TCERG1L: variants seen among roughly 807,000 people sequenced by gnomAD.
TCERG1L encodes transcription elongation regulator 1 like, also known as transcription elongation regulator 1-like protein.
A neutral mutation model predicts 56.3 loss-of-function variants in TCERG1L; 37 were observed. The observed-to-expected ratio is 0.66, with a 90% CI of 0.51 to 0.87. The LOEUF (loss-of-function observed/expected upper bound fraction) is 0.87. TCERG1L is among the 40% of genes least tolerant of loss of function. TCERG1L has a pLI of 0.00. For missense variants in TCERG1L, 799 were observed against 774.2 expected (o/e 1.03, Z -0.38); for synonymous variants, 324 against 326.3 (o/e 0.99, Z 0.08).
At chr10:131,189,458 C>T (rs1845282205) in intron 4 of TCERG1L, among the ~76,000 whole-genome samples, 2 of 152,182 alleles carry the variant, frequency 1.3e-5, no homozygotes, top group African/African-American at 4.8e-5. Context: ...GCTCATTTTA[C>T]TTAACTTGAT....
chr10:131,259,582 A>C (rs1846211613), intron 4 of TCERG1L, among the ~76,000 whole-genome samples: 1 of 152,244 alleles, frequency 6.6e-6, no homozygotes, highest in Admixed American at 6.5e-5. Context: ...AGAGCTGCAG[A>C]TGGGACCCAG....
At chr10:131,122,230 G>A (rs1845521607) in intron 8 of TCERG1L, among the ~76,000 whole-genome samples, 2 of 152,136 alleles carry the variant, frequency 1.3e-5, no homozygotes, top group African/African-American at 2.4e-5. Context: ...AATGACCTTT[G>A]GTATTCATAA....
intron 6 of TCERG1L, among the ~76,000 whole-genome samples, chr10:131,149,010 T>C (rs1845834444): frequency 6.6e-6 from 1 of 152,014 alleles, no homozygotes. Context: ...TGGGAGAATA[T>C]GACCTGCCCT....
Position 131,272,260 on chromosome 10 carries a change from G to A in TCERG1L, c.671-11816C>T, listed in dbSNP as rs549453491. The stretch of plus-strand genomic sequence containing the variant: ...ACTATGCTCCTTGTGGAAGACCAGC[G>A]CCAGGTGTTTGCATATCTGACTGAG... On this transcript the variant is annotated intron_variant, in intron 3 of 11. Coordinates refer to ENST00000368642, the MANE Select transcript of TCERG1L (RefSeq NM_174937.4). Among the ~76,000 whole-genome samples the A allele has an allele frequency of 1.8e-3, 278 of 152,322 alleles. 1 individual carries two copies. The highest frequency in any genetic ancestry group is 6.3e-3 in the African/African-American group (260 of 41,584).
intron 3 of TCERG1L, among the ~76,000 whole-genome samples, chr10:131,298,075 A>G (rs1316762058): frequency 2.7e-5 from 4 of 149,028 alleles, no homozygotes; most frequent in African/African-American, 9.8e-5. Context: ...TCTTTACTAT[A>G]TCCTTAGATT....
intron 10 of TCERG1L, among the ~76,000 whole-genome samples, chr10:131,098,920 A>C (rs1338722285): frequency 3.3e-5 from 5 of 152,214 alleles, no homozygotes; most frequent in East Asian, 3.9e-4. Flanking sequence ...CGAGTCTCCC[A>C]AAAATGACCT....
chr10:131,149,045 CAGCCCTGCCCTTG>C (rs1390239816), intron 6 of TCERG1L, among the ~76,000 whole-genome samples: 1 of 152,248 alleles, frequency 6.6e-6, no homozygotes, highest in African/African-American at 2.4e-5. Flanking sequence ...TTTCCAGCTC[CAGCCCTGCCCTTG>C]ACCTACCAGG....
rs138983034 is a variant in TCERG1L, at chr10:131,226,621, C to T, written c.856+33638G>A. 4.1e-3 allele frequency among the ~76,000 whole-genome samples: 622 copies of T among 152,274 alleles called. 6 individuals carry two copies. Among genetic ancestry groups the T allele is most frequent in the Non-Finnish European group, 5.5e-3 (371 of 68,022 alleles). Reference sequence around the variant, plus strand: ...TAAGCCACTGAAGGAAGGGAGAGACCGTCGGTGGAGCAGCTGGCGTGAGGG... The same window carrying T: ...TAAGCCACTGAAGGAAGGGAGAGACTGTCGGTGGAGCAGCTGGCGTGAGGG... On this transcript the variant is annotated intron_variant, in intron 4 of 11. Coordinates refer to ENST00000368642, the MANE Select transcript of TCERG1L (RefSeq NM_174937.4).
Position 131,116,417 on chromosome 10 carries a change from G to A in TCERG1L, c.1395+382C>T, listed in dbSNP as rs192213960. 3.1e-3 allele frequency among the ~76,000 whole-genome samples: 474 copies of A among 152,108 alleles called. 5 individuals carry two copies. The highest frequency in any genetic ancestry group is 2.9e-3 in the Non-Finnish European group (198 of 67,966). Reference sequence around the variant, plus strand: ...TGCTCCCTCAGGCCACCCAGGACCCGGCCTCCCGGTGGACCCCACCTGCCG... The same window carrying A: ...TGCTCCCTCAGGCCACCCAGGACCCAGCCTCCCGGTGGACCCCACCTGCCG... On this transcript the variant is annotated intron_variant, in intron 9 of 11. Transcript: ENST00000368642.
chr10:131,204,679 T>C (rs913775909), intron 4 of TCERG1L, among the ~76,000 whole-genome samples: 3 of 152,162 alleles, frequency 2.0e-5, no homozygotes, highest in African/African-American at 4.8e-5. Context: ...GAGGCTAAAA[T>C]AAACCAATGA....
At chr10:131,310,151 T>A (rs972702858) in intron 1 of TCERG1L, among the ~76,000 whole-genome samples, 2 of 152,222 alleles carry the variant, frequency 1.3e-5, no homozygotes, top group African/African-American at 4.8e-5. Context: ...TAAGGTTTTT[T>A]AAATTTTCTT....
At chr10:131,106,969 C>T (rs919551996) in intron 9 of TCERG1L, among the ~76,000 whole-genome samples, 14 of 152,202 alleles carry the variant, frequency 9.2e-5, no homozygotes, top group Admixed American at 5.9e-4. Context: ...AGTGAGAACC[C>T]GGTGAAGCAT....
chr10:131,268,569 T>A (rs1846308495), intron 3 of TCERG1L, among the ~76,000 whole-genome samples: 1 of 146,258 alleles, frequency 6.8e-6, no homozygotes, highest in Admixed American at 6.7e-5. Context: ...CTAGACGGCA[T>A]CTTCTTCCAA....
chr10:131,276,800 A>G (rs963280038), intron 3 of TCERG1L, among the ~76,000 whole-genome samples: 22 of 152,210 alleles, frequency 1.4e-4, no homozygotes, highest in Admixed American at 3.3e-4. Flanking sequence ...GGGACGGTAG[A>G]CAGGTCTTCA....
chr10:131,222,501 C>T (rs757955440), intron 4 of TCERG1L, among the ~76,000 whole-genome samples: 10 of 152,220 alleles, frequency 6.6e-5, no homozygotes, highest in Admixed American at 5.2e-4. Flanking sequence ...AGAAGGCAGC[C>T]GCCACACTGG....
intron 3 of TCERG1L, among the ~76,000 whole-genome samples, chr10:131,292,913 C>T (rs972532037): frequency 1.2e-4 from 18 of 150,496 alleles, no homozygotes; most frequent in Admixed American, 4.6e-4. Context: ...TGCAGAGGTG[C>T]GATCTCGGCT....
chr10:131,255,173 C>T (rs1224500895), intron 4 of TCERG1L, among the ~76,000 whole-genome samples: 1 of 152,132 alleles, frequency 6.6e-6, no homozygotes, highest in Non-Finnish European at 1.5e-5. Context: ...TTTCAGGTGG[C>T]AGGAAACATT....
chr10:131,149,573 G>T (rs1163729481), intron 6 of TCERG1L, among the ~76,000 whole-genome samples: 2 of 152,248 alleles, frequency 1.3e-5, no homozygotes, highest in African/African-American at 4.8e-5. Context: ...ATAAGCCCAG[G>T]GTAGAGACTG....
chr10:131,132,505 C>T (rs1328230201), intron 8 of TCERG1L, among the ~76,000 whole-genome samples: 1 of 152,242 alleles, frequency 6.6e-6, no homozygotes, highest in Admixed American at 6.5e-5. Flanking sequence ...ATGAGGCGGA[C>T]AGCCCAGCTG....
Sources: allele counts gnomAD v4.1 joint callset (sites outside exome capture counted in the v4.1 genomes callset), GRCh38; gene constraint gnomAD v4.1.1; transcripts MANE v1.5; gene names NCBI Gene and HGNC (gene_info 2026-07-23, HGNC 2026-07-21).